The following KCNAB1 variants were observed in gnomAD, a reference collection of about 807,000 sequenced individuals.
KCNAB1 encodes the protein voltage-gated potassium channel subunit beta-1.
KCNAB1 carries 35 observed loss-of-function variants against 64.6 expected under a neutral mutation model. That is an observed-to-expected ratio of 0.54 (90% confidence interval 0.41 to 0.72). The LOEUF (loss-of-function observed/expected upper bound fraction) is 0.72, where lower values mean the gene tolerates loss of function less well. Ranked by LOEUF, KCNAB1 falls within the 30% of genes least tolerant of loss-of-function variation. The probability of loss-of-function intolerance (pLI) is 0.00; values close to 1 mark genes in which losing one functional copy is unlikely to be tolerated. For synonymous variants in KCNAB1, 177 were observed against 183.8 expected, an observed-to-expected ratio of 0.96 and a Z score of 0.30; for missense variants, 401 against 512.9, an observed-to-expected ratio of 0.78 and a Z score of 2.11.
rs1015255435 is a variant in KCNAB1, at chr3:156,370,786, C to T, written c.276-50830C>T. On this transcript the variant is annotated intron_variant, in intron 1 of 13. Coordinates refer to ENST00000490337, the MANE Select transcript of KCNAB1 (RefSeq NM_172160.3). ...AGAGACCCAGAACCAGCAAAGGAGA[C>T]GTGGGGTTTTATTAAGGGCTCACAT... 5.3e-5 allele frequency among the ~76,000 whole-genome samples: 8 copies of T among 152,156 alleles called. No homozygotes were observed. In the East Asian group the frequency reaches 5.8e-4, roughly 11 times the overall value.
intron 1 of KCNAB1, among the ~76,000 whole-genome samples, chr3:156,365,283 T>A: frequency 6.6e-6 from 1 of 152,198 alleles, no homozygotes; most frequent in East Asian, 1.9e-4. Context: ...ACCTACCTCA[T>A]AAGGTGGTTG....
chr3:156,335,725 C>T lies in KCNAB1; in HGVS notation c.276-85891C>T, dbSNP rs1041930526. Among the ~76,000 whole-genome samples, 9 of 152,082 alleles carry T rather than the reference C, an allele frequency of 5.9e-5. No individual in the cohort carries two copies. In the East Asian group the frequency reaches 1.7e-3, roughly 29 times the overall value. ...TTTTCCTTGTCAACATTTCACCTGT[C>T]GTTTGGTATTTGATGACATGAGCTT... On this transcript the variant is annotated intron_variant, in intron 1 of 13. Transcript: ENST00000490337.
At chr3:156,342,606 TTAA>T (rs1560206509) in intron 1 of KCNAB1, among the ~76,000 whole-genome samples, 1 of 103,970 alleles carries the variant, frequency 9.6e-6, no homozygotes, top group African/African-American at 4.6e-5. Flanking sequence ...TTTTTTTTTT[TTAA>T]TTTTTTTTTT....
At chr3:156,381,870 A>G (rs926773776) in intron 1 of KCNAB1, among the ~76,000 whole-genome samples, 1 of 152,244 alleles carries the variant, frequency 6.6e-6, no homozygotes, top group African/African-American at 2.4e-5. Context: ...CTCAACTGCC[A>G]CATTAGCCTT....
chr3:156,148,881 A>G (rs116497335), intron 1 of KCNAB1, among the ~76,000 whole-genome samples: 14 of 147,962 alleles, frequency 9.5e-5, no homozygotes, highest in African/African-American at 3.2e-4. Flanking sequence ...TGCTGTTGCT[A>G]TTAGGATCTA....
chr3:156,496,460 G>A (rs754635780), intron 8 of KCNAB1, among the ~76,000 whole-genome samples: 9 of 152,070 alleles, frequency 5.9e-5, no homozygotes, highest in Non-Finnish European at 1.0e-4. Context: ...ACGTGCCTTC[G>A]CTCCTCCTTT....
chr3:156,246,671 A>AT (rs1717478547), intron 1 of KCNAB1, among the ~76,000 whole-genome samples: 1 of 149,792 alleles, frequency 6.7e-6, no homozygotes, highest in Non-Finnish European at 1.5e-5. Context: ...TATGTTAGTC[A>AT]TTTATATATA....
intron 1 of KCNAB1, among the ~76,000 whole-genome samples, chr3:156,303,482 G>A (rs1398201786): frequency 2.0e-5 from 3 of 152,184 alleles, no homozygotes; most frequent in Admixed American, 1.3e-4. Context: ...GCTTGAGTAA[G>A]ATGGAAATGA....
At chr3:156,252,145 G>C (rs1189111603) in intron 1 of KCNAB1, among the ~76,000 whole-genome samples, 1 of 152,226 alleles carries the variant, frequency 6.6e-6, no homozygotes, top group East Asian at 1.9e-4. Flanking sequence ...CTGACGGAGG[G>C]CATCACTGGG....
chr3:156,538,928 A>T (rs1359340079), downstream of KCNAB1: 1 of 152,232 alleles, frequency 6.6e-6, no homozygotes, highest in Non-Finnish European at 1.5e-5. Context: ...TTACTTGCAA[A>T]TCAAAACCAA....
intron 1 of KCNAB1, among the ~76,000 whole-genome samples, chr3:156,402,694 A>G (rs1380920272): frequency 6.6e-6 from 1 of 152,212 alleles, no homozygotes; most frequent in African/African-American, 2.4e-5. Context: ...GCAGTGGCCT[A>G]TGTAAAATGC....
At chr3:156,188,601 A>G (rs1216287808) in intron 1 of KCNAB1, among the ~76,000 whole-genome samples, 1 of 152,252 alleles carries the variant, frequency 6.6e-6, no homozygotes, top group East Asian at 1.9e-4. Flanking sequence ...GTTTGTTAGC[A>G]TACGCTTTCA....
chr3:156,535,308 C>A (rs1249748043), intron 13 of KCNAB1, among the ~76,000 whole-genome samples: 1 of 152,310 alleles, frequency 6.6e-6, no homozygotes, highest in South Asian at 2.1e-4. Context: ...CAGAATTGGT[C>A]GTCAGAATTG....
intron 1 of KCNAB1, among the ~76,000 whole-genome samples, chr3:156,279,772 G>A (rs1192198083): frequency 6.6e-6 from 1 of 152,210 alleles, no homozygotes; most frequent in Non-Finnish European, 1.5e-5. Flanking sequence ...CTTCTTTTGA[G>A]AAGTGTCTGT....
chr3:156,221,006 T>C (rs1414156750), intron 1 of KCNAB1, among the ~76,000 whole-genome samples: 2 of 152,248 alleles, frequency 1.3e-5, no homozygotes, highest in Non-Finnish European at 2.9e-5. Flanking sequence ...TTGTCAGTTT[T>C]GTCAAAGATC....
At chr3:156,507,065 C>A (rs1716878360) in intron 8 of KCNAB1, among the ~76,000 whole-genome samples, 1 of 152,186 alleles carries the variant, frequency 6.6e-6, no homozygotes, top group South Asian at 2.1e-4. Context: ...CCCAAACCAT[C>A]TTCTCCATCA....
At chr3:156,495,366 A>G (rs1715940099) in intron 8 of KCNAB1, among the ~76,000 whole-genome samples, 1 of 152,174 alleles carries the variant, frequency 6.6e-6, no homozygotes, top group African/African-American at 2.4e-5. Context: ...CAACCCAGCA[A>G]TCCCATTACT....
intron 1 of KCNAB1, among the ~76,000 whole-genome samples, chr3:156,239,986 G>A (rs926284759): frequency 3.3e-5 from 5 of 151,782 alleles, no homozygotes; most frequent in African/African-American, 4.8e-5. Context: ...ATCATGTTAG[G>A]GAGATTAAAA....
chr3:156,166,865 A>G (rs1332699017), intron 1 of KCNAB1, among the ~76,000 whole-genome samples: 1 of 152,168 alleles, frequency 6.6e-6, no homozygotes, highest in Non-Finnish European at 1.5e-5. Flanking sequence ...CTTTTCATGT[A>G]ACGTTCTGCG....
Sources: allele counts gnomAD v4.1 joint callset (sites outside exome capture counted in the v4.1 genomes callset), GRCh38; gene constraint gnomAD v4.1.1; transcripts MANE v1.5; gene names NCBI Gene and HGNC (gene_info 2026-07-23, HGNC 2026-07-21).